Variants in GABBR2 observed in about 807,000 individuals in gnomAD.
GABBR2 encodes the protein gamma-aminobutyric acid type B receptor subunit 2.
Under a neutral mutation model 105.6 loss-of-function variants are expected in GABBR2, and 23 were observed. The ratio of observed to expected loss-of-function variants is 0.22; its 90% CI spans 0.16 to 0.31. The LOEUF is 0.31. Ranked by LOEUF, GABBR2 falls within the 10% of genes least tolerant of loss-of-function variation. GABBR2 has a pLI of 1.00. For synonymous variants in GABBR2, 478 were observed against 499.7 expected (o/e 0.96, Z 0.58); for missense variants, 734 against 1,245.5 (o/e 0.59, Z 6.18).
chr9:98,304,719 C>T (rs959747975), intron 15 of GABBR2, among the ~76,000 whole-genome samples: 5 of 152,182 alleles, frequency 3.3e-5, no homozygotes. Context: ...GCAGATGCCT[C>T]CCACTTGGGT....
chr9:98,367,130 T>C (rs1417987679), intron 12 of GABBR2, among the ~76,000 whole-genome samples: 1 of 151,194 alleles, frequency 6.6e-6, no homozygotes, highest in African/African-American at 2.4e-5. Flanking sequence ...TGTGGACATA[T>C]AGGGCATATG....
At chr9:98,649,944 T>C (rs868638133) in intron 1 of GABBR2, among the ~76,000 whole-genome samples, 1 of 152,228 alleles carries the variant, frequency 6.6e-6, no homozygotes, top group South Asian at 2.1e-4. Context: ...TGTACAGCTA[T>C]GTTAATAAAA....
chr9:98,560,398 CACAT>C (rs1419748177), intron 2 of GABBR2, among the ~76,000 whole-genome samples: 4 of 114,198 alleles, frequency 3.5e-5, no homozygotes, highest in African/African-American at 1.1e-4. Flanking sequence ...TGCGCATACA[CACAT>C]ACACACACAC....
chr9:98,528,382 A>G (rs947406986), intron 3 of GABBR2, among the ~76,000 whole-genome samples: 10 of 152,172 alleles, frequency 6.6e-5, no homozygotes, highest in African/African-American at 2.2e-4. Context: ...AGAAGAAAAC[A>G]TAGGTATGTA....
At chr9:98,553,597 A>AG (rs955716570) in intron 2 of GABBR2, among the ~76,000 whole-genome samples, 2 of 152,220 alleles carry the variant, frequency 1.3e-5, no homozygotes, top group Non-Finnish European at 2.9e-5. Context: ...TCTCAAAAAG[A>AG]GGAAAAAAAA....
At chr9:98,299,468 C>G in intron 16 of GABBR2, 115 bp from the exon 17 acceptor site, 1 of 1,101,400 alleles carries the variant, frequency 9.1e-7, no homozygotes, top group Non-Finnish European at 1.3e-6. Flanking sequence ...CAGGAGTGCC[C>G]TGAGAATCAG....
intron 1 of GABBR2, among the ~76,000 whole-genome samples, chr9:98,630,833 G>A (rs544905066): frequency 1.1e-4 from 16 of 152,186 alleles, no homozygotes; most frequent in East Asian, 1.9e-4. Flanking sequence ...GAGCTGCACC[G>A]TCCAACATTG....
intron 10 of GABBR2, among the ~76,000 whole-genome samples, chr9:98,387,943 C>G (rs73499041): frequency 7.9e-5 from 12 of 152,140 alleles, no homozygotes; most frequent in Admixed American, 6.5e-4. Flanking sequence ...CGACAGCCCA[C>G]GAGTTCATGC....
intron 1 of GABBR2, among the ~76,000 whole-genome samples, chr9:98,590,785 G>A (rs17779010): frequency 0.25 from 37,468 of 152,198 alleles, 4,961 homozygotes; most frequent in Non-Finnish European, 0.3. Context: ...AGCTAGGTAG[G>A]GGAAGATGAG....
At chr9:98,523,516 G>GAAT (rs1357171099) in intron 3 of GABBR2, among the ~76,000 whole-genome samples, 2 of 152,200 alleles carry the variant, frequency 1.3e-5, no homozygotes, top group Non-Finnish European at 2.9e-5. Context: ...TAGCAAAATG[G>GAAT]AATAACAGGA....
At chr9:98,693,746 G>T (rs1830714084) in intron 1 of GABBR2, among the ~76,000 whole-genome samples, 1 of 152,234 alleles carries the variant, frequency 6.6e-6, no homozygotes, top group Non-Finnish European at 1.5e-5. Context: ...CTATCCAGGT[G>T]CACATATGAA....
intron 1 of GABBR2, among the ~76,000 whole-genome samples, chr9:98,693,566 G>A (rs1830712412): frequency 6.6e-6 from 1 of 152,204 alleles, no homozygotes; most frequent in Non-Finnish European, 1.5e-5. Context: ...CCCTCCCAGA[G>A]GACCCACTGT....
chr9:98,650,468 G>A (rs1253442413), intron 1 of GABBR2, among the ~76,000 whole-genome samples: 1 of 152,134 alleles, frequency 6.6e-6, no homozygotes, highest in Non-Finnish European at 1.5e-5. Context: ...ACCTTTGCCA[G>A]CCCCAAAGCT....
chr9:98,366,888 C>A (rs139923338), intron 12 of GABBR2, among the ~76,000 whole-genome samples: 1 of 152,158 alleles, frequency 6.6e-6, no homozygotes, highest in African/African-American at 2.4e-5. Context: ...AAAGCATCTG[C>A]CCCCAGAACA....
intron 7 of GABBR2, among the ~76,000 whole-genome samples, chr9:98,414,193 GA>G (rs1206203139): frequency 6.6e-6 from 1 of 152,210 alleles, no homozygotes; most frequent in Non-Finnish European, 1.5e-5. Flanking sequence ...CTCCAAAAGA[GA>G]AAACTACAGG....
chr9:98,319,158 T>C (rs943064369), intron 13 of GABBR2, among the ~76,000 whole-genome samples: 4 of 152,118 alleles, frequency 2.6e-5, no homozygotes, highest in African/African-American at 4.8e-5. Context: ...CTCTGAGCCA[T>C]AACTTCCTCA....
At chr9:98,364,267 T>C (rs957179929) in intron 12 of GABBR2, among the ~76,000 whole-genome samples, 1 of 152,206 alleles carries the variant, frequency 6.6e-6, no homozygotes, top group African/African-American at 2.4e-5. Context: ...CTTGAGAAAC[T>C]GGGGCAAAAT....
intron 11 of GABBR2, among the ~76,000 whole-genome samples, chr9:98,384,194 C>A (rs1832030488): frequency 6.6e-6 from 1 of 152,186 alleles, no homozygotes; most frequent in Non-Finnish European, 1.5e-5. Context: ...AGCTGGCTAA[C>A]CCCATTTGGA....
At chr9:98,616,752 A>AG (rs71369569) in intron 1 of GABBR2, among the ~76,000 whole-genome samples, 1 of 5,886 alleles carries the variant, frequency 1.7e-4, no homozygotes, top group Non-Finnish European at 8.6e-4. Flanking sequence ...ACTCCGTCTC[A>AG]AAAAAAAAAA....
Sources: allele counts gnomAD v4.1 joint callset (sites outside exome capture counted in the v4.1 genomes callset), GRCh38; gene constraint gnomAD v4.1.1; transcripts MANE v1.5; gene names NCBI Gene and HGNC (gene_info 2026-07-23, HGNC 2026-07-21).